The following CSRNP3 variants were observed in gnomAD, a reference collection of about 807,000 sequenced individuals.
The protein encoded by CSRNP3 is cysteine/serine-rich nuclear protein 3.
In CSRNP3, 12 loss-of-function variants were observed where a neutral mutation model predicts 48.0. The observed-to-expected ratio is 0.25, with a 90% confidence interval of 0.16 to 0.41. The LOEUF (loss-of-function observed/expected upper bound fraction) is 0.41. Among genes scored for constraint, CSRNP3 ranks in the 10% least tolerant of loss-of-function variants. CSRNP3 has a pLI of 1.00. For missense variants in CSRNP3, 580 were observed against 724.4 expected, an observed-to-expected ratio of 0.80 and a Z score of 2.29; for synonymous variants, 263 against 269.7, an observed-to-expected ratio of 0.98 and a Z score of 0.24.
At chr2:165,663,644 C>T (rs921544923) in intron 5 of CSRNP3, among the ~76,000 whole-genome samples, 1 of 152,108 alleles carries the variant, frequency 6.6e-6, no homozygotes, top group African/African-American at 2.4e-5. Flanking sequence ...CTGCAACAAC[C>T]ATTGGACTGT....
At chr2:165,489,215 T>C (rs1381259885) in intron 1 of CSRNP3, among the ~76,000 whole-genome samples, 1 of 151,660 alleles carries the variant, frequency 6.6e-6, no homozygotes, top group Non-Finnish European at 1.5e-5. Flanking sequence ...AATACATTCC[T>C]CAACACATAC....
At chr2:165,588,490 G>C (rs528250573) in intron 3 of CSRNP3, among the ~76,000 whole-genome samples, 3 of 152,224 alleles carry the variant, frequency 2.0e-5, no homozygotes, top group Non-Finnish European at 4.4e-5. Context: ...CCTTGGCCTA[G>C]TCTAAGTGAG....
In CSRNP3 at chr2:165,661,879, C is replaced by G. The variant is rs1417887130; in HGVS notation, c.408+3859C>G. Among the ~76,000 whole-genome samples the G allele has an allele frequency of 3.3e-5, 5 of 152,102 alleles. No individual in the cohort carries two copies. The East Asian group carries it at 7.7e-4, about 23-fold the overall frequency. Reference sequence around the variant, plus strand: ...CATGTAGTACACCATGGGAAACTCACCGAACTCAGAGCTAGATAGTTTTCC... The same window carrying G: ...CATGTAGTACACCATGGGAAACTCAGCGAACTCAGAGCTAGATAGTTTTCC... On this transcript the variant is annotated intron_variant, in intron 5 of 6. Transcript: ENST00000651982.
chr2:165,492,096 C>G (rs115109254), intron 1 of CSRNP3, among the ~76,000 whole-genome samples: 2,408 of 152,180 alleles, frequency 0.016, 61 homozygotes, highest in African/African-American at 0.054. Flanking sequence ...CCCAAAGGAA[C>G]TATTGACCTC....
At chr2:165,570,324 T>C (rs1685352199) in intron 3 of CSRNP3, among the ~76,000 whole-genome samples, 1 of 152,086 alleles carries the variant, frequency 6.6e-6, no homozygotes, top group Non-Finnish European at 1.5e-5. Flanking sequence ...CCATACACTA[T>C]AGACTTCCCA....
chr2:165,498,025 C>T (rs951993391), intron 2 of CSRNP3, among the ~76,000 whole-genome samples: 1 of 152,006 alleles, frequency 6.6e-6, no homozygotes, highest in Non-Finnish European at 1.5e-5. Flanking sequence ...ATTCAATGAG[C>T]TAAATGAAAT....
chr2:165,551,108 G>A (rs928990948), intron 3 of CSRNP3, among the ~76,000 whole-genome samples: 1 of 151,802 alleles, frequency 6.6e-6, no homozygotes. Context: ...AAATATTCCC[G>A]AGCTTTAGAT....
At chr2:165,599,692 C>G (rs1428681643) in intron 4 of CSRNP3, among the ~76,000 whole-genome samples, 1 of 152,130 alleles carries the variant, frequency 6.6e-6, no homozygotes, top group African/African-American at 2.4e-5. Context: ...AATTGATATA[C>G]AAATTTTTAG....
At chr2:165,530,344 G>A (rs1278028836) in intron 3 of CSRNP3, among the ~76,000 whole-genome samples, 1 of 152,080 alleles carries the variant, frequency 6.6e-6, no homozygotes, top group East Asian at 1.9e-4. Flanking sequence ...TGAAATAAGT[G>A]TGATTATCAT....
In CSRNP3 at chr2:165,683,570, A is replaced by G. The variant is rs151059821; in HGVS notation, c.*3817A>G. 381 of 152,182 alleles carry G rather than the reference A, an allele frequency of 2.5e-3. 4 individuals carry two copies. Among genetic ancestry groups the G allele is most frequent in the African/African-American group, 8.9e-3 (370 of 41,552 alleles). The allele number at this position is 152,182 out of a possible 1,614,324, so 9.4% of individuals were successfully genotyped here. On this transcript the variant is annotated 3_prime_UTR_variant, in exon 7 of 7. Coordinates refer to ENST00000651982, the MANE Select transcript of CSRNP3 (RefSeq NM_001172173.2). The stretch of plus-strand genomic sequence containing the variant: ...GCTAATCACTGTTTCTTTTATTTCA[A>G]TTTTTGATATTGTTGCACAAGTTTA...
intron 1 of CSRNP3, among the ~76,000 whole-genome samples, chr2:165,476,711 T>C (rs34995584): frequency 0.074 from 11,200 of 152,320 alleles, 468 homozygotes; most frequent in Middle Eastern, 0.22. Context: ...TAGCCTCTTA[T>C]TGCCTGTGTA....
At chr2:165,644,577 T>C (rs560884312) in intron 4 of CSRNP3, among the ~76,000 whole-genome samples, 1 of 152,238 alleles carries the variant, frequency 6.6e-6, no homozygotes, top group East Asian at 1.9e-4. Flanking sequence ...ACCCAAGGCC[T>C]GAGTAGAGGA....
intron 3 of CSRNP3, among the ~76,000 whole-genome samples, chr2:165,593,053 G>A (rs1233841049): frequency 2.0e-5 from 3 of 151,818 alleles, no homozygotes; most frequent in African/African-American, 4.8e-5. Flanking sequence ...CGCCCGCCTC[G>A]GCCTCCCAAA....
intron 4 of CSRNP3, among the ~76,000 whole-genome samples, chr2:165,640,911 G>A (rs1207184049): frequency 6.6e-6 from 1 of 152,106 alleles, no homozygotes; most frequent in Non-Finnish European, 1.5e-5. Flanking sequence ...AACTATGATC[G>A]TGCTGCTGAG....
At chr2:165,485,501 C>G (rs1299711181) in intron 1 of CSRNP3, among the ~76,000 whole-genome samples, 2 of 152,198 alleles carry the variant, frequency 1.3e-5, no homozygotes, top group African/African-American at 4.8e-5. Context: ...AGACGAGCAT[C>G]TCTCTAACCA....
intron 4 of CSRNP3, among the ~76,000 whole-genome samples, chr2:165,605,480 A>G (rs1480970501): frequency 2.0e-5 from 3 of 152,168 alleles, no homozygotes; most frequent in African/African-American, 7.2e-5. Context: ...AAAAAATGAT[A>G]GATATATTGA....
intron 3 of CSRNP3, among the ~76,000 whole-genome samples, chr2:165,531,679 G>A (rs1372326857): frequency 1.3e-5 from 2 of 152,142 alleles, no homozygotes; most frequent in South Asian, 2.1e-4. Context: ...ACATTCAAAA[G>A]CTAGCAGAAG....
At chr2:165,652,827 A>G (rs1463714128) in intron 4 of CSRNP3, among the ~76,000 whole-genome samples, 1 of 152,136 alleles carries the variant, frequency 6.6e-6, no homozygotes, top group African/African-American at 2.4e-5. Flanking sequence ...TACAGGCGTG[A>G]GCCACCGCGC....
At chr2:165,495,133 C>T (rs1684268909) in intron 2 of CSRNP3, among the ~76,000 whole-genome samples, 1 of 151,966 alleles carries the variant, frequency 6.6e-6, no homozygotes. Flanking sequence ...ATGTAGGAGG[C>T]AGAAATGAGT....
Sources: allele counts gnomAD v4.1 joint callset (sites outside exome capture counted in the v4.1 genomes callset), GRCh38; gene constraint gnomAD v4.1.1; transcripts MANE v1.5; gene names NCBI Gene and HGNC (gene_info 2026-07-23, HGNC 2026-07-21).